PDE10A: variants seen among roughly 807,000 people sequenced by gnomAD.
The protein encoded by PDE10A is phosphodiesterase 10A.
Under a neutral mutation model 97.7 loss-of-function variants are expected in PDE10A, and 39 were observed. The ratio of observed to expected loss-of-function variants is 0.40; its 90% confidence interval spans 0.31 to 0.52. The LOEUF is 0.52. Among genes scored for constraint, PDE10A ranks in the 20% least tolerant of loss-of-function variants. The pLI, the probability that PDE10A is intolerant of heterozygous loss-of-function variation, is 0.56. For missense variants in PDE10A, 731 were observed against 1,047.8 expected, an observed-to-expected ratio of 0.70 and a Z score of 4.17; for synonymous variants, 371 against 376.8, an observed-to-expected ratio of 0.98 and a Z score of 0.18.
intron 13 of PDE10A, among the ~76,000 whole-genome samples, chr6:165,408,813 A>T (rs775630308): frequency 1.3e-5 from 2 of 152,116 alleles, no homozygotes; most frequent in Non-Finnish European, 1.5e-5. Context: ...TTTGAGTTGG[A>T]AAAACTTCAA....
chr6:165,823,656 C>T (rs1056267510), intron 1 of PDE10A, among the ~76,000 whole-genome samples: 3 of 125,482 alleles, frequency 2.4e-5, no homozygotes, highest in African/African-American at 8.1e-5. Context: ...GTAACAGAAT[C>T]GTTTATTGTC....
chr6:165,594,387 TA>T (rs1786460569), intron 1 of PDE10A, among the ~76,000 whole-genome samples: 1 of 151,992 alleles, frequency 6.6e-6, no homozygotes, highest in African/African-American at 2.4e-5. Context: ...TCGGAAATAA[TA>T]AATACAGCAA....
intron 11 of PDE10A, among the ~76,000 whole-genome samples, 181 bp from the exon 12 acceptor site, chr6:165,416,462 C>A (rs562838627): frequency 6.6e-6 from 1 of 152,194 alleles, no homozygotes; most frequent in African/African-American, 2.4e-5. Flanking sequence ...AGCAGAAAAC[C>A]ATTACACAGT....
In PDE10A at chr6:165,983,070, C is replaced by G. The variant is rs866055551; in HGVS notation, c.-615+4459G>C. On this transcript the variant is annotated intron_variant, in intron 1 of 19. Coordinates refer to the PDE10A transcript ENST00000366882. Reference sequence around the variant, plus strand: ...ATGTATCCTAATCACAATTTTACGACACACACACACACACACACACGAGTA... The same window carrying G: ...ATGTATCCTAATCACAATTTTACGAGACACACACACACACACACACGAGTA... Among the ~76,000 whole-genome samples the G allele has an allele frequency of 7.9e-3, 1,182 of 149,632 alleles. 13 individuals carry two copies. The highest frequency in any genetic ancestry group is 0.028 in the African/African-American group (1,119 of 40,680).
chr6:165,471,975 G>A (rs1779040019), intron 3 of PDE10A, among the ~76,000 whole-genome samples: 1 of 151,966 alleles, frequency 6.6e-6, no homozygotes, highest in African/African-American at 2.4e-5. Context: ...TAATTTTTGT[G>A]TCAAAAATAA....
chr6:165,862,441 C>G (rs975845275), intron 1 of PDE10A, among the ~76,000 whole-genome samples: 4 of 152,122 alleles, frequency 2.6e-5, no homozygotes, highest in Admixed American at 2.6e-4. Flanking sequence ...AATAGGTTCA[C>G]AAGTTAAGAG....
intron 1 of PDE10A, among the ~76,000 whole-genome samples, chr6:165,840,031 T>TCCGCAACTCCA (rs1377544803): frequency 2.2e-4 from 1 of 4,596 alleles, no homozygotes; most frequent in African/African-American, 7.6e-4. Flanking sequence ...TCCATTCCCA[T>TCCGCAACTCCA]TCCCATCTCC....
At chr6:165,524,876 C>T (rs1474412309) in intron 2 of PDE10A, among the ~76,000 whole-genome samples, 2 of 152,130 alleles carry the variant, frequency 1.3e-5, no homozygotes, top group Non-Finnish European at 2.9e-5. Flanking sequence ...CTGGGGACAC[C>T]AAGTTTGTAA....
At chr6:165,391,063 A>T (rs1400246818) in intron 16 of PDE10A, among the ~76,000 whole-genome samples, 3 of 152,164 alleles carry the variant, frequency 2.0e-5, no homozygotes, top group Non-Finnish European at 4.4e-5. Context: ...ACTCATTTTT[A>T]AAATTCATGT....
At chr6:165,420,951 T>C (rs1003530590) in intron 10 of PDE10A, among the ~76,000 whole-genome samples, 2 of 152,094 alleles carry the variant, frequency 1.3e-5, no homozygotes, top group Non-Finnish European at 2.9e-5. Context: ...AAATCACAGA[T>C]TTACTTTTGA....
chr6:165,840,558 T>A (rs1213895569), intron 1 of PDE10A, among the ~76,000 whole-genome samples: 1 of 152,100 alleles, frequency 6.6e-6, no homozygotes, highest in Non-Finnish European at 1.5e-5. Flanking sequence ...CCTCACAAAT[T>A]ACACCACCTC....
At chr6:165,552,776 G>A (rs1784080174) in intron 1 of PDE10A, among the ~76,000 whole-genome samples, 1 of 152,146 alleles carries the variant, frequency 6.6e-6, no homozygotes, top group South Asian at 2.1e-4. Context: ...AGTACTTCCA[G>A]CAAATCACCA....
At chr6:165,772,292 C>A (rs993085660) in intron 1 of PDE10A, among the ~76,000 whole-genome samples, 1 of 152,168 alleles carries the variant, frequency 6.6e-6, no homozygotes, top group African/African-American at 2.4e-5. Context: ...TTAAATGCAA[C>A]AGGCTAAATG....
In PDE10A at chr6:165,846,329, G is replaced by A. The variant is rs1780417919; in HGVS notation, c.-615+141200C>T. Among the ~76,000 whole-genome samples the A allele has an allele frequency of 2.6e-5, 4 of 152,300 alleles. No homozygotes were observed. The South Asian group carries it at 6.2e-4, about 24-fold the overall frequency. On this transcript the variant is annotated intron_variant, in intron 1 of 19. Coordinates refer to the PDE10A transcript ENST00000366882. ...TAATTATCATTCCACCCCCTCCATCGGAAGTACCGAGGTGCAGTGCAGTTA... is the reference window on the plus strand; with the variant it reads ...TAATTATCATTCCACCCCCTCCATCAGAAGTACCGAGGTGCAGTGCAGTTA...
chr6:165,549,541 G>A (rs2128327963), intron 1 of PDE10A, among the ~76,000 whole-genome samples: 1 of 152,230 alleles, frequency 6.6e-6, no homozygotes, highest in South Asian at 2.1e-4. Flanking sequence ...AGCCGGGATG[G>A]TCTCGATCTC....
At chr6:165,533,896 A>G (rs1241545575) in intron 2 of PDE10A, among the ~76,000 whole-genome samples, 1 of 152,170 alleles carries the variant, frequency 6.6e-6, no homozygotes, top group Admixed American at 6.5e-5. Context: ...ATTCGTGATA[A>G]TATGACTTAA....
At chr6:165,411,240 G>T (rs1249839052) in intron 13 of PDE10A, among the ~76,000 whole-genome samples, 1 of 151,850 alleles carries the variant, frequency 6.6e-6, no homozygotes, top group African/African-American at 2.4e-5. Context: ...CACAGTACTT[G>T]TGATGGGTTA....
chr6:165,496,747 T>C (rs564918928), intron 2 of PDE10A, among the ~76,000 whole-genome samples: 2 of 152,378 alleles, frequency 1.3e-5, no homozygotes, highest in East Asian at 3.9e-4. Context: ...AATAATATTT[T>C]GCATACAGAA....
intron 1 of PDE10A, among the ~76,000 whole-genome samples, chr6:165,633,684 G>T (rs1788738370): frequency 6.6e-6 from 1 of 152,028 alleles, no homozygotes; most frequent in African/African-American, 2.4e-5. Context: ...CTGGAGTGCG[G>T]TGGCACGATC....
Sources: allele counts gnomAD v4.1 joint callset (sites outside exome capture counted in the v4.1 genomes callset), GRCh38; gene constraint gnomAD v4.1.1; transcripts MANE v1.5; gene names NCBI Gene and HGNC (gene_info 2026-07-23, HGNC 2026-07-21).